The following CSMD1 variants were observed in gnomAD, a reference collection of about 807,000 sequenced individuals.
The protein encoded by CSMD1 is CUB and sushi domain-containing protein 1.
In CSMD1, 213 loss-of-function variants were observed where a neutral mutation model predicts 417.5. The ratio of observed to expected loss-of-function variants is 0.51; its 90% CI spans 0.46 to 0.57. CSMD1 has a LOEUF of 0.57. Ranked by LOEUF, CSMD1 falls within the 20% of genes least tolerant of loss-of-function variation. CSMD1 has a pLI of 0.00. For synonymous variants in CSMD1, 2,862 were observed against 1,736.8 expected (o/e 1.65, Z -16.11); for missense variants, 6,923 against 4,529.7 (o/e 1.53, Z -15.17).
At chr8:3,998,819 A>G (rs1443874744) in intron 4 of CSMD1, among the ~76,000 whole-genome samples, 1 of 151,298 alleles carries the variant, frequency 6.6e-6, no homozygotes, top group African/African-American at 2.4e-5. Flanking sequence ...CTTCTTTGTT[A>G]CATTTATTTT....
chr8:4,523,938 G>C (rs972663689), intron 2 of CSMD1, among the ~76,000 whole-genome samples: 1 of 152,058 alleles, frequency 6.6e-6, no homozygotes, highest in African/African-American at 2.4e-5. Context: ...TCAATGCTCT[G>C]TGAAAGTCCA....
chr8:4,827,006 T>A (rs775530785), intron 1 of CSMD1, among the ~76,000 whole-genome samples: 1 of 152,118 alleles, frequency 6.6e-6, no homozygotes, highest in Non-Finnish European at 1.5e-5. Context: ...TGCTTGCCTA[T>A]CTTCCATGGA....
intron 3 of CSMD1, among the ~76,000 whole-genome samples, chr8:4,405,501 C>T (rs1388709158): frequency 3.3e-5 from 5 of 152,122 alleles, no homozygotes; most frequent in Non-Finnish European, 5.9e-5. Context: ...CAATGTGCAA[C>T]ACCCAGCACA....
intron 2 of CSMD1, among the ~76,000 whole-genome samples, chr8:4,585,218 G>A (rs1390854832): frequency 1.3e-5 from 2 of 151,922 alleles, no homozygotes; most frequent in African/African-American, 2.4e-5. Flanking sequence ...GCACCATAAA[G>A]AACATCAGCA....
chr8:3,636,879 G>C (rs1039701964), intron 7 of CSMD1, among the ~76,000 whole-genome samples: 3 of 152,128 alleles, frequency 2.0e-5, no homozygotes, highest in African/African-American at 4.8e-5. Context: ...TATAGATTTT[G>C]TTGCCATTGT....
At position 4,667,325 on chromosome 8, in the gene CSMD1, T is replaced by C. The variant is rs1049589117; in HGVS notation, c.86-29767A>G. Among the ~76,000 whole-genome samples the C allele has an allele frequency of 2.0e-5, 3 of 152,178 alleles. 1 individual carries two copies. Among genetic ancestry groups the C allele is most frequent in the African/African-American group, 7.2e-5 (3 of 41,444 alleles). ...TAGTGCTTCTTTCTTAAAATTGTCT[T>C]GGCCATTCTAGATTCTCTGCTTTTC... On this transcript the variant is annotated intron_variant, in intron 1 of 69. Coordinates refer to ENST00000635120, the MANE Select transcript of CSMD1 (RefSeq NM_033225.6).
intron 3 of CSMD1, among the ~76,000 whole-genome samples, chr8:4,154,905 C>T (rs537145425): frequency 4.6e-5 from 7 of 152,278 alleles, no homozygotes; most frequent in African/African-American, 1.4e-4. Context: ...TGAAGTGATA[C>T]ATTTTTCTAA....
intron 2 of CSMD1, among the ~76,000 whole-genome samples, chr8:4,528,122 T>G (rs1021934178): frequency 6.6e-6 from 1 of 152,240 alleles, no homozygotes; most frequent in African/African-American, 2.4e-5. Flanking sequence ...GTTCTGACTT[T>G]CATCCTTTTA....
At chr8:4,698,042 G>A (rs1807250060) in intron 1 of CSMD1, among the ~76,000 whole-genome samples, 1 of 151,756 alleles carries the variant, frequency 6.6e-6, no homozygotes, top group Non-Finnish European at 1.5e-5. Flanking sequence ...TTATATAATT[G>A]GAAGGGTTCA....
intron 7 of CSMD1, among the ~76,000 whole-genome samples, chr8:3,670,547 TCCC>T (rs1209186724): frequency 1.3e-4 from 16 of 118,946 alleles, no homozygotes; most frequent in South Asian, 2.7e-4. Flanking sequence ...TATACATATA[TCCC>T]ATATATATAT....
intron 6 of CSMD1, among the ~76,000 whole-genome samples, chr8:3,737,850 A>C (rs1298260939): frequency 1.3e-5 from 2 of 152,238 alleles, no homozygotes; most frequent in African/African-American, 4.8e-5. Context: ...TAACCCATTT[A>C]ATGTTAAGTC....
intron 37 of CSMD1, among the ~76,000 whole-genome samples, chr8:3,168,443 C>T (rs17079530): frequency 0.12 from 18,220 of 151,998 alleles, 1,141 homozygotes; most frequent in Non-Finnish European, 0.15. Flanking sequence ...TTCGAAAAAT[C>T]GCATTAAAGT....
At chr8:3,622,162 G>A (rs1295787514) in intron 7 of CSMD1, among the ~76,000 whole-genome samples, 1 of 152,104 alleles carries the variant, frequency 6.6e-6, no homozygotes, top group African/African-American at 2.4e-5. Flanking sequence ...AATTTATCTT[G>A]TAAATGCATT....
chr8:4,427,223 G>C (rs536036549), intron 2 of CSMD1, among the ~76,000 whole-genome samples: 1 of 152,250 alleles, frequency 6.6e-6, no homozygotes, highest in Non-Finnish European at 1.5e-5. Flanking sequence ...GCCCAAGAGA[G>C]GCACACGCCG....
At chr8:4,978,447 C>G (rs983596644) in intron 1 of CSMD1, among the ~76,000 whole-genome samples, 1 of 152,094 alleles carries the variant, frequency 6.6e-6, no homozygotes, top group African/African-American at 2.4e-5. Flanking sequence ...TTGGGCCCTA[C>G]TTATGTTAAA....
chr8:4,453,308 T>G (rs1450437253), intron 2 of CSMD1, among the ~76,000 whole-genome samples: 1 of 151,956 alleles, frequency 6.6e-6, no homozygotes, highest in African/African-American at 2.4e-5. Context: ...GGCAATCAAC[T>G]GTCCCCAAGA....
At chr8:3,733,261 CAT>C (rs1341921535) in intron 6 of CSMD1, among the ~76,000 whole-genome samples, 1 of 140,002 alleles carries the variant, frequency 7.1e-6, no homozygotes, top group Non-Finnish European at 1.6e-5. Context: ...TATATATACA[CAT>C]ACACATATTT....
chr8:3,588,750 C>A (rs537400777), intron 8 of CSMD1, among the ~76,000 whole-genome samples: 1 of 129,798 alleles, frequency 7.7e-6, no homozygotes. Context: ...AAACTAAAAC[C>A]CTTACGCACA....
chr8:4,209,964 A>C (rs1800211166), intron 3 of CSMD1, among the ~76,000 whole-genome samples: 1 of 152,198 alleles, frequency 6.6e-6, no homozygotes, highest in African/African-American at 2.4e-5. Flanking sequence ...CTGGCATGGC[A>C]CACTGGAGGA....
Sources: gnomAD v4.1 joint callset for allele counts (sites outside exome capture counted in the v4.1 genomes callset) on GRCh38, gnomAD v4.1.1 for gene constraint, MANE v1.5 for transcripts, NCBI Gene and HGNC (gene_info 2026-07-23, HGNC 2026-07-21) for gene names.